TBPL1: variants seen among roughly 807,000 people sequenced by gnomAD.
TBPL1 encodes TATA box-binding protein-like 1.
A neutral mutation model predicts 22.1 loss-of-function variants in TBPL1; 4 were observed. That is an observed-to-expected ratio of 0.18 (90% CI 0.09 to 0.41). TBPL1 has a LOEUF of 0.41. TBPL1 is among the 10% of genes least tolerant of loss of function. The probability of loss-of-function intolerance (pLI) is 1.00; values close to 1 mark genes in which losing one functional copy is unlikely to be tolerated. For missense variants in TBPL1, 115 were observed against 222.3 expected, an observed-to-expected ratio of 0.52 and a Z score of 3.07; for synonymous variants, 64 against 71.0, an observed-to-expected ratio of 0.90 and a Z score of 0.50.
chr6:133,981,850 T>C (rs921152973), intron 2 of TBPL1, among the ~76,000 whole-genome samples: 4 of 152,226 alleles, frequency 2.6e-5, no homozygotes, highest in Non-Finnish European at 5.9e-5. Flanking sequence ...TTGCATATTT[T>C]CTTGGAGCTT....
intron 1 of TBPL1, among the ~76,000 whole-genome samples, chr6:133,979,721 A>C (rs567785847): frequency 6.6e-6 from 1 of 151,998 alleles, no homozygotes; most frequent in Non-Finnish European, 1.5e-5. Context: ...ATCTCGGCTC[A>C]CTGCAACCTC....
intron 1 of TBPL1, among the ~76,000 whole-genome samples, chr6:133,963,287 T>G (rs983620412): frequency 6.6e-6 from 1 of 152,200 alleles, no homozygotes; most frequent in East Asian, 1.9e-4. Flanking sequence ...TTCAACCCAG[T>G]CGTTCTCAAC....
chr6:133,985,949 A>G (rs974209610), intron 6 of TBPL1: 1 of 152,170 alleles, frequency 6.6e-6, no homozygotes, highest in African/African-American at 2.4e-5. Context: ...AACAATCTCT[A>G]CTAAGTATAT....
Position 133,987,354 on chromosome 6 carries a change from AT to A in TBPL1, c.*321del. The A allele has an allele frequency of 5.9e-6, 1 of 168,456 alleles. No homozygotes were observed. The highest frequency in any genetic ancestry group is 1.3e-5 in the Non-Finnish European group (1 of 78,720). The allele number at this position is 168,456 out of a possible 1,614,324, so 10.4% of individuals were successfully genotyped here. ...AGATTGTTTTATTGTCGTCATTGTTATTTTTTTCCATTTTGAGCTAATGTGT... is the reference window on the plus strand; with the variant it reads ...AGATTGTTTTATTGTCGTCATTGTTATTTTTTCCATTTTGAGCTAATGTGT... On this transcript the variant is annotated 3_prime_UTR_variant, in exon 7 of 7. Transcript: ENST00000237264.
rs1016073294 is a variant in TBPL1, at chr6:133,964,552, G to A, written c.-45+11127G>A. 4.6e-5 allele frequency among the ~76,000 whole-genome samples: 7 copies of A among 151,028 alleles called. No homozygotes were observed. The East Asian group carries it at 5.9e-4, about 13-fold the overall frequency. ...TGCAAGCTCCGTCTCCCGGGTTCAC[G>A]CCATTCTCCTGCCTCAGCCTCCGAG... On this transcript the variant is annotated intron_variant, in intron 1 of 6. Coordinates refer to ENST00000237264, the MANE Select transcript of TBPL1 (RefSeq NM_004865.4).
At chr6:133,966,123 G>A (rs530171184) in intron 1 of TBPL1, among the ~76,000 whole-genome samples, 9 of 151,998 alleles carry the variant, frequency 5.9e-5, no homozygotes, top group Non-Finnish European at 1.2e-4. Context: ...TGTGTGTGTC[G>A]TGTGGGTGTG....
In TBPL1 at chr6:133,982,885, C is replaced by T. The variant is rs2076583; in HGVS notation, c.282+5C>T. The T allele has an allele frequency of 0.49, 782,355 of 1,598,880 alleles. 206,665 individuals carry two copies. The highest frequency in any genetic ancestry group is 0.56 in the Non-Finnish European group (655,176 of 1,174,392). ...CTGCAGAAACTAGGTTTTCAGGTAA[C>T]GTTTTCAAATAGTATCTAAACTACA... is the stretch of plus-strand genomic sequence containing the variant. On this transcript the variant is annotated splice_donor_5th_base_variant and intron_variant, in intron 4 of 6. Coordinates refer to ENST00000237264, the MANE Select transcript of TBPL1 (RefSeq NM_004865.4).
chr6:133,955,410 A>G (rs1451503657), intron 1 of TBPL1, among the ~76,000 whole-genome samples: 3 of 151,986 alleles, frequency 2.0e-5, no homozygotes, highest in Non-Finnish European at 2.9e-5. Flanking sequence ...ATGATTTTTT[A>G]TGCTGTATCA....
intron 1 of TBPL1, among the ~76,000 whole-genome samples, chr6:133,965,493 C>A (rs904550412): frequency 6.6e-6 from 1 of 152,066 alleles, no homozygotes; most frequent in Non-Finnish European, 1.5e-5. Flanking sequence ...TCAGTCTTTT[C>A]CTGTTTCATT....
At chr6:133,972,573 A>G (rs1213794431) in intron 1 of TBPL1, among the ~76,000 whole-genome samples, 3 of 152,210 alleles carry the variant, frequency 2.0e-5, no homozygotes. Context: ...CGTAGTCATT[A>G]TGGAAACACA....
At chr6:133,952,592 GCT>G (rs1465013481), upstream of TBPL1, 2 of 152,180 alleles carry the variant, frequency 1.3e-5, no homozygotes, top group Non-Finnish European at 2.9e-5. This position sits in a 1 kb window ranked among gnomAD's most constrained non-coding sequence, Gnocchi z 4.5. Context: ...ATCCCCGGTC[GCT>G]CTAAGACCAG....
intron 2 of TBPL1, among the ~76,000 whole-genome samples, chr6:133,980,897 A>G (rs1776400058): frequency 6.6e-6 from 1 of 151,850 alleles, no homozygotes; most frequent in Admixed American, 6.6e-5. Context: ...AATGTATCTC[A>G]AGGCTCTATT....
At position 133,987,678 on chromosome 6, in the gene TBPL1, T is replaced by C. The variant is rs537231025; in HGVS notation, c.*638T>C. The C allele has an allele frequency of 2.1e-4, 29 of 139,796 alleles. No homozygotes were observed. The highest frequency in any genetic ancestry group is 7.5e-4 in the African/African-American group (28 of 37,248). 8.7% of individuals were successfully genotyped at this position (139,796 alleles called of 1,614,324 possible). A position where few individuals can be genotyped will look rare whatever the true frequency, so the allele number is the denominator to read the frequency against. ...TATATATATATATATGCACCACATG[T>C]GTATAGTATCTTTTAATGCTCTGTT... On this transcript the variant is annotated 3_prime_UTR_variant, in exon 7 of 7. Transcript: ENST00000237264.
intron 1 of TBPL1, among the ~76,000 whole-genome samples, chr6:133,958,454 C>T (rs556973640): frequency 1.3e-5 from 2 of 152,228 alleles, no homozygotes; most frequent in East Asian, 3.9e-4. Flanking sequence ...ATTCAGGTGG[C>T]TCAAGAATGA....
intron 1 of TBPL1, among the ~76,000 whole-genome samples, chr6:133,961,304 A>G (rs1776018376): frequency 6.6e-6 from 1 of 152,128 alleles, no homozygotes; most frequent in African/African-American, 2.4e-5. Flanking sequence ...TAAATTAAAC[A>G]GTTATCTTCA....
intron 2 of TBPL1, among the ~76,000 whole-genome samples, chr6:133,980,962 A>ATTTTT (rs10713725): frequency 4.8e-4 from 47 of 97,110 alleles, no homozygotes; most frequent in African/African-American, 9.8e-4. Context: ...TAATTAATTA[A>ATTTTT]TTTTTTTTTT....
intron 1 of TBPL1, among the ~76,000 whole-genome samples, chr6:133,965,051 A>T (rs1279505614): frequency 6.6e-6 from 1 of 152,224 alleles, no homozygotes; most frequent in Non-Finnish European, 1.5e-5. Context: ...GATGCATGCC[A>T]ATTCTGACAC....
intron 1 of TBPL1, among the ~76,000 whole-genome samples, chr6:133,978,407 T>G (rs1270978581): frequency 6.6e-6 from 1 of 152,234 alleles, no homozygotes; most frequent in Non-Finnish European, 1.5e-5. Context: ...ACAGGTTACA[T>G]AACTTGCCCA....
chr6:133,984,330 T>G (rs559663360), intron 4 of TBPL1, 46 bp from the exon 5 acceptor site: 67 of 1,457,782 alleles, frequency 4.6e-5, no homozygotes, highest in Non-Finnish European at 6.2e-5. Flanking sequence ...ATTTTTTGTT[T>G]GTTTGTTTCA....
Sources: gnomAD v4.1 joint callset for allele counts (sites outside exome capture counted in the v4.1 genomes callset) on GRCh38, gnomAD v4.1.1 for gene constraint, Gnocchi (gnomAD v3.1) non-coding constraint, MANE v1.5 for transcripts, NCBI Gene and HGNC (gene_info 2026-07-23, HGNC 2026-07-21) for gene names.